Variants in TRIM14 observed in about 807,000 individuals in gnomAD.
TRIM14 encodes tripartite motif-containing protein 14.
A neutral mutation model predicts 44.5 loss-of-function variants in TRIM14; 28 were observed. The observed-to-expected ratio is 0.63, with a 90% CI of 0.47 to 0.86. The LOEUF (loss-of-function observed/expected upper bound fraction) is 0.86. Among genes scored for constraint, TRIM14 ranks in the 40% least tolerant of loss-of-function variants. The probability of loss-of-function intolerance (pLI) is 0.00; values close to 1 mark genes in which losing one functional copy is unlikely to be tolerated. For missense variants in TRIM14, 607 were observed against 611.1 expected (o/e 0.99, Z 0.07); for synonymous variants, 299 against 269.2 (o/e 1.11, Z -1.08).
At chr9:98,048,069 A>T in the TRIM14 span, among the ~76,000 whole-genome samples, 1 of 76,306 alleles carries the variant, frequency 1.3e-5, no homozygotes, top group South Asian at 8.0e-4. Flanking sequence ...CTTCTCAAAA[A>T]AAAAAAAAAA....
At chr9:98,079,313 C>T (rs998939999) in intron 6 of TRIM14, among the ~76,000 whole-genome samples, 4 of 152,146 alleles carry the variant, frequency 2.6e-5, no homozygotes, top group East Asian at 3.8e-4. Context: ...ATCATTAAAA[C>T]TATTATAGTA....
chr9:98,080,784 T>C, downstream of TRIM14: 1 of 1,545,190 alleles, frequency 6.5e-7, no homozygotes, highest in South Asian at 1.2e-5. Context: ...CAGCATGATA[T>C]TTAATGTTAT....
intron 5 of TRIM14, 151 bp from the exon 6 acceptor site, chr9:98,088,156 G>T: frequency 1.2e-6 from 1 of 839,996 alleles, no homozygotes; most frequent in Non-Finnish European, 1.7e-6. Flanking sequence ...AACCGCGACT[G>T]CCCCTGGGGC....
At position 98,103,820 on chromosome 9, in the gene TRIM14, G is replaced by C. The variant is rs1270715840; in HGVS notation, c.304-3656C>G. Among the ~76,000 whole-genome samples the C allele has an allele frequency of 2.2e-5, 3 of 138,026 alleles. No individual in the cohort carries two copies. In the Admixed American group the frequency reaches 2.3e-4, roughly 11 times the overall value. The allele number at this position is 138,026 out of a possible 152,430, so 90.6% of individuals were successfully genotyped here. ...GCTACTGCACTCCAGCCTGGCAACA[G>C]AGCGAGACTCCGTCTCAAAAAAAAA... is the stretch of plus-strand genomic sequence containing the variant. On this transcript the variant is annotated intron_variant, in intron 2 of 5. Transcript: ENST00000341469.
rs566446894 is a variant in TRIM14 at position 98,093,225 on chromosome 9, C to T, written c.701-1224G>A. 9.2e-5 allele frequency among the ~76,000 whole-genome samples: 14 copies of T among 152,244 alleles called. No homozygotes were observed. The South Asian group carries it at 1.9e-3, about 20-fold the overall frequency. On this transcript the variant is annotated intron_variant, in intron 4 of 5. Transcript: ENST00000341469. ...TGACCCTACGTCCACTCCTGTTGTCCCCATTGCTGCTCCTTCGATATGGCC... is the reference window on the plus strand; with the variant it reads ...TGACCCTACGTCCACTCCTGTTGTCTCCATTGCTGCTCCTTCGATATGGCC...
At chr9:98,061,886 G>A in the TRIM14 span, among the ~76,000 whole-genome samples, 1 of 151,840 alleles carries the variant, frequency 6.6e-6, no homozygotes, top group Non-Finnish European at 1.5e-5. Flanking sequence ...CAAGCTGTAG[G>A]GACACCCCAG....
At chr9:98,066,163 C>A (rs1157116559), downstream of TRIM14, among the ~76,000 whole-genome samples, 2 of 152,132 alleles carry the variant, frequency 1.3e-5, no homozygotes, top group African/African-American at 2.4e-5. Context: ...GTTATGTGTG[C>A]ATTTCATTGC....
intron 1 of TRIM14, among the ~76,000 whole-genome samples, chr9:98,114,649 T>C (rs1162977080): frequency 1.3e-5 from 2 of 152,276 alleles, no homozygotes; most frequent in East Asian, 3.9e-4. Context: ...TTTGATTCTT[T>C]TAAAAAAAGT....
At chr9:98,080,956 T>G (rs148983734), downstream of TRIM14, 3 of 1,613,708 alleles carry the variant, frequency 1.9e-6, no homozygotes, top group Non-Finnish European at 1.7e-6. Flanking sequence ...GGAAGGGGAG[T>G]GACCACTCGG....
intron 2 of TRIM14, among the ~76,000 whole-genome samples, chr9:98,104,287 A>C (rs1201203468): frequency 6.6e-6 from 1 of 152,256 alleles, no homozygotes; most frequent in East Asian, 1.9e-4. Context: ...AAGCAACGTA[A>C]GTACACAGAG....
intron 6 of TRIM14, among the ~76,000 whole-genome samples, chr9:98,072,757 C>T (rs556816119): frequency 1.8e-4 from 28 of 152,268 alleles, no homozygotes; most frequent in Non-Finnish European, 3.2e-4. Flanking sequence ...TTACCTTGCC[C>T]TCTGTCAAAC....
intron 3 of TRIM14, 122 bp downstream of exon 3, chr9:98,099,809 T>C (rs1310157472): frequency 4.9e-6 from 4 of 822,584 alleles, no homozygotes; most frequent in Admixed American, 4.7e-5. Context: ...ACAGTCTACA[T>C]GGTGACAAGA....
the TRIM14 span, among the ~76,000 whole-genome samples, chr9:98,057,279 T>A: frequency 6.6e-6 from 1 of 152,160 alleles, no homozygotes; most frequent in African/African-American, 2.4e-5. Flanking sequence ...TCGAAACCCT[T>A]TAACATAGCC....
rs1404947074 is a variant in TRIM14, at chr9:98,119,046, G to C, written c.143C>G (p.Pro48Arg). 6.3e-6 allele frequency: 10 copies of C among 1,578,210 alleles called. No individual in the cohort carries two copies. Among genetic ancestry groups the C allele is most frequent in the South Asian group, 1.1e-5 (1 of 88,730 alleles). ...RCRRCVCALC[P>R]VLGAHRGHPV... ...GTGGCCACGGTGCGCGCCCAGCACC[G>C]GGCAAAGCGCGCACACGCAGCGGCG... is the stretch of plus-strand genomic sequence containing the variant. The change falls in exon 1 of 6, where the codon CCG becomes CGG. Residue 48 changes from proline to arginine, a missense_variant. Pro to Arg is a moderately radical substitution (Grantham distance 103, BLOSUM62 -2). Transcript: ENST00000341469.
At chr9:98,048,211 G>A in the TRIM14 span, among the ~76,000 whole-genome samples, 1 of 152,104 alleles carries the variant, frequency 6.6e-6, no homozygotes. Flanking sequence ...TCATTGCACT[G>A]TCTTGTTCAT....
intron 4 of TRIM14, chr9:98,092,391 G>C: frequency 4.2e-6 from 1 of 239,214 alleles, no homozygotes; most frequent in Non-Finnish European, 8.8e-6. Context: ...GGCACCCAGG[G>C]CCCTTGGCAC....
chr9:98,079,447 T>C (rs1483108797), downstream of TRIM14, among the ~76,000 whole-genome samples: 1 of 141,572 alleles, frequency 7.1e-6, no homozygotes, highest in Non-Finnish European at 1.5e-5. Context: ...ATAAGCTTTC[T>C]TACATGTTGT....
the TRIM14 span, chr9:98,056,958 G>C: frequency 2.6e-6 from 4 of 1,562,952 alleles, no homozygotes; most frequent in South Asian, 4.7e-5. Context: ...GGCAGCTCCC[G>C]GGACCCGGGA....
the TRIM14 span, among the ~76,000 whole-genome samples, chr9:98,055,258 ATCCACCCGCC>A: frequency 6.6e-6 from 1 of 152,232 alleles, no homozygotes; most frequent in East Asian, 1.9e-4. Flanking sequence ...ACCTCAGGTG[ATCCACCCGCC>A]TCAGCCTCCC....
Sources: gnomAD v4.1 joint callset for allele counts (sites outside exome capture counted in the v4.1 genomes callset) on GRCh38, gnomAD v4.1.1 for gene constraint, MANE v1.5 for transcripts, NCBI Gene and HGNC (gene_info 2026-07-23, HGNC 2026-07-21) for gene names.